Variants in DNAH14 observed in about 807,000 individuals in gnomAD.
DNAH14 encodes the protein axonemal beta dynein heavy chain 14.
A neutral mutation model predicts 520.9 loss-of-function variants in DNAH14; 478 were observed. That is an observed-to-expected ratio of 0.92 (90% CI 0.85 to 0.99). The LOEUF is 0.99. DNAH14 is among the 50% of genes least tolerant of loss of function. The pLI, the probability that DNAH14 is intolerant of heterozygous loss-of-function variation, is 0.00. For synonymous variants in DNAH14, 1,581 were observed against 1,757.2 expected (o/e 0.90, Z 2.51); for missense variants, 4,831 against 5,234.5 (o/e 0.92, Z 2.38).
chr1:225,271,133 T>A (rs542431355), intron 50 of DNAH14, among the ~76,000 whole-genome samples: 3 of 152,226 alleles, frequency 2.0e-5, no homozygotes, highest in East Asian at 3.8e-4. Context: ...TGATCCAGTA[T>A]ATCTGGCCTG....
chr1:225,300,966 G>A lies in DNAH14; in HGVS notation c.8567G>A (p.Arg2856Lys). The A allele has an allele frequency of 6.4e-7, 1 of 1,551,316 alleles. No homozygotes were observed. Among genetic ancestry groups the A allele is most frequent in the Non-Finnish European group, 8.7e-7 (1 of 1,146,838 alleles). Reference protein sequence around the residue: ...VELDSIAMKIRYLTEQSGHMD... With the variant: ...VELDSIAMKIKYLTEQSGHMD... ...CTGGATTCTATTGCAATGAAAATCA[G>A]ATATCTTACTGAACAATCTGGTCAT... The change falls in exon 56 of 86, where the codon AGA becomes AAA. Residue 2856 changes from arginine to lysine, a missense_variant. Physicochemically the swap from Arg to Lys is conservative, Grantham distance 26. Coordinates refer to ENST00000682510, the MANE Select transcript of DNAH14 (RefSeq NM_001367479.1).
intron 5 of DNAH14, among the ~76,000 whole-genome samples, chr1:224,965,699 C>G (rs142394341): frequency 1.9e-4 from 29 of 152,208 alleles, no homozygotes; most frequent in Admixed American, 3.3e-4. Flanking sequence ...AACCTATACA[C>G]TCACCATATT....
At chr1:225,193,676 C>T (rs1044218377) in intron 38 of DNAH14, among the ~76,000 whole-genome samples, 5 of 152,090 alleles carry the variant, frequency 3.3e-5, no homozygotes, top group African/African-American at 1.2e-4. Context: ...TCCTATTCAG[C>T]GTAGTATTGC....
intron 9 of DNAH14, among the ~76,000 whole-genome samples, chr1:225,003,794 G>T (rs371481287): frequency 2.8e-4 from 43 of 152,088 alleles, no homozygotes; most frequent in African/African-American, 9.9e-4. Flanking sequence ...TTTCACAGAG[G>T]AATCTCTTTG....
chr1:225,092,988 T>C (rs1227473096), intron 21 of DNAH14, among the ~76,000 whole-genome samples: 1 of 151,998 alleles, frequency 6.6e-6, no homozygotes. Flanking sequence ...AATTGAATAA[T>C]TGAACAGACC....
chr1:225,373,863 T>C lies in DNAH14; in HGVS notation c.12319-825T>C, dbSNP rs1315359054. ...GTCCCAGGGCAGGCACGGTGCCTCATGCCTGTAATCTCAGCACTTTGGGAG... is the reference window on the plus strand; with the variant it reads ...GTCCCAGGGCAGGCACGGTGCCTCACGCCTGTAATCTCAGCACTTTGGGAG... On this transcript the variant is annotated intron_variant, in intron 77 of 85. Transcript: ENST00000682510. Among the ~76,000 whole-genome samples, 7 of 151,454 alleles carry C rather than the reference T, an allele frequency of 4.6e-5. No homozygotes were observed. In the East Asian group the frequency reaches 1.2e-3, roughly 26 times the overall value.
intron 9 of DNAH14, among the ~76,000 whole-genome samples, chr1:225,003,128 T>C (rs572219769): frequency 6.6e-6 from 1 of 152,206 alleles, no homozygotes; most frequent in East Asian, 1.9e-4. Context: ...AATTTCTTCC[T>C]TATGCCTAAC....
intron 23 of DNAH14, among the ~76,000 whole-genome samples, chr1:225,102,741 GT>G (rs1227274054): frequency 6.6e-6 from 1 of 152,066 alleles, no homozygotes; most frequent in Non-Finnish European, 1.5e-5. Flanking sequence ...GGGGTTGTTT[GT>G]TTTTTTCTTG....
At chr1:225,127,418 A>T (rs56043500) in intron 27 of DNAH14, among the ~76,000 whole-genome samples, 11,039 of 151,918 alleles carry the variant, frequency 0.073, 612 homozygotes, top group East Asian at 0.23. Flanking sequence ...TATATTTAGG[A>T]TAGTTAGCTC....
At chr1:225,290,642 T>C (rs2093850670) in intron 55 of DNAH14, among the ~76,000 whole-genome samples, 1 of 62,192 alleles carries the variant, frequency 1.6e-5, no homozygotes, top group Non-Finnish European at 2.6e-5. Context: ...TGTGTGTGTG[T>C]GTGTGTATAT....
At chr1:225,040,556 G>A (rs948061180) in intron 12 of DNAH14, among the ~76,000 whole-genome samples, 1 of 152,090 alleles carries the variant, frequency 6.6e-6, no homozygotes, top group African/African-American at 2.4e-5. Flanking sequence ...AGTATTCAAT[G>A]TCTCCTATTC....
intron 17 of DNAH14, among the ~76,000 whole-genome samples, chr1:225,067,166 G>A (rs958620428): frequency 1.3e-5 from 2 of 152,068 alleles, no homozygotes; most frequent in African/African-American, 2.4e-5. Context: ...CCCTCTATGT[G>A]TCCATGTGCT....
intron 17 of DNAH14, among the ~76,000 whole-genome samples, chr1:225,066,649 CT>C (rs1237555931): frequency 6.6e-6 from 1 of 151,984 alleles, no homozygotes; most frequent in Admixed American, 6.6e-5. Flanking sequence ...TCACACCCCC[CT>C]CCCACCCTTC....
chr1:225,266,131 C>A (rs1199351161), intron 48 of DNAH14, among the ~76,000 whole-genome samples: 1 of 152,068 alleles, frequency 6.6e-6, no homozygotes, highest in Non-Finnish European at 1.5e-5. Context: ...GGAAATGTGT[C>A]TGAATTTTCT....
intron 36 of DNAH14, among the ~76,000 whole-genome samples, chr1:225,171,577 T>C (rs2082671024): frequency 6.6e-6 from 1 of 151,946 alleles, no homozygotes; most frequent in Non-Finnish European, 1.5e-5. Flanking sequence ...CAGGAAGAAA[T>C]AGAATCTCTG....
At chr1:225,324,502 A>C (rs2094615227) in intron 63 of DNAH14, 149 bp downstream of exon 63, 5 of 1,151,236 alleles carry the variant, frequency 4.3e-6, no homozygotes, top group Non-Finnish European at 6.0e-6. Context: ...TCTAACTCAC[A>C]CAGATGTCAA....
chr1:225,353,773 T>C (rs779519142), intron 72 of DNAH14, 30 bp from the exon 73 acceptor site: 318 of 1,127,020 alleles, frequency 2.8e-4, no homozygotes, highest in Non-Finnish European at 3.9e-4. Flanking sequence ...TGACTGTTAA[T>C]GCCAGTTTCT....
In DNAH14 at chr1:225,147,208, G is replaced by C; in HGVS notation, c.4899G>C (p.Gln1633His). Residue 1633 changes from glutamine to histidine, a missense_variant, in exon 31 of 86, where the codon CAG (glutamine) becomes CAC (histidine). By Grantham distance (24) the Gln-to-His change is conservative. Coordinates refer to ENST00000682510, the MANE Select transcript of DNAH14 (RefSeq NM_001367479.1). ...DLEVLSVIASQILTIKAAKDN... is the reference protein window; with the variant it reads ...DLEVLSVIASHILTIKAAKDN... ...AAGTTCTCTCTGTCATTGCCTCACA[G>C]ATCCTAACAATTAAGGCTGCAAAAG... 2 of 1,550,226 alleles carry C rather than the reference G, an allele frequency of 1.3e-6. No individual in the cohort carries two copies. Among genetic ancestry groups the C allele is most frequent in the East Asian group, 4.9e-5 (2 of 40,858 alleles).
At chr1:224,930,659 G>A (rs1036124529) in intron 1 of DNAH14, among the ~76,000 whole-genome samples, 1 of 151,974 alleles carries the variant, frequency 6.6e-6, no homozygotes, top group Non-Finnish European at 1.5e-5. Context: ...GTGCAGTGGC[G>A]CGACCTGGGC....
Sources: gnomAD v4.1 joint callset for allele counts (sites outside exome capture counted in the v4.1 genomes callset) on GRCh38, gnomAD v4.1.1 for gene constraint, MANE v1.5 for transcripts, NCBI Gene and HGNC (gene_info 2026-07-23, HGNC 2026-07-21) for gene names.